The following ROBO2 variants were observed in gnomAD, a reference collection of about 807,000 sequenced individuals.
ROBO2 encodes the protein roundabout homolog 2.
ROBO2 carries 53 observed loss-of-function variants against 160.8 expected under a neutral mutation model. The observed-to-expected ratio is 0.33, with a 90% CI of 0.26 to 0.41. The LOEUF is 0.41. ROBO2 is among the 10% of genes least tolerant of loss of function. The pLI, the probability that ROBO2 is intolerant of heterozygous loss-of-function variation, is 1.00. For synonymous variants in ROBO2, 664 were observed against 611.7 expected, an observed-to-expected ratio of 1.09 and a Z score of -1.26; for missense variants, 1,577 against 1,722.4, an observed-to-expected ratio of 0.92 and a Z score of 1.49.
intron 2 of ROBO2, among the ~76,000 whole-genome samples, chr3:76,514,529 A>G (rs1398620649): frequency 6.6e-6 from 1 of 152,220 alleles, no homozygotes; most frequent in Non-Finnish European, 1.5e-5. Flanking sequence ...TAAAAATAAT[A>G]ATAATGAAGA....
At chr3:77,031,969 A>G (rs2063353070) in intron 2 of ROBO2, among the ~76,000 whole-genome samples, 1 of 152,060 alleles carries the variant, frequency 6.6e-6, no homozygotes, top group Non-Finnish European at 1.5e-5. Context: ...CTGTTTCATG[A>G]GTGGTACCTT....
intron 2 of ROBO2, among the ~76,000 whole-genome samples, chr3:76,842,058 A>G (rs972163719): frequency 6.6e-6 from 1 of 152,234 alleles, no homozygotes; most frequent in Admixed American, 6.5e-5. Context: ...ATTCCACTAG[A>G]AATCCATAAA....
At chr3:75,961,526 T>A (rs1464963170) in intron 2 of ROBO2, among the ~76,000 whole-genome samples, 1 of 151,714 alleles carries the variant, frequency 6.6e-6, no homozygotes, top group Non-Finnish European at 1.5e-5. Flanking sequence ...AAGTAATAAA[T>A]AGCTCACTCA....
At chr3:76,912,320 A>G (rs1412433593) in intron 2 of ROBO2, among the ~76,000 whole-genome samples, 1 of 152,182 alleles carries the variant, frequency 6.6e-6, no homozygotes, top group Non-Finnish European at 1.5e-5. Flanking sequence ...ATATTCAGAA[A>G]TAAGATACAG....
At chr3:76,630,130 T>C (rs190191895) in intron 2 of ROBO2, among the ~76,000 whole-genome samples, 2 of 152,342 alleles carry the variant, frequency 1.3e-5, no homozygotes, top group East Asian at 1.9e-4. Flanking sequence ...AGAGAAAACA[T>C]TGATTACTGG....
At chr3:76,132,038 T>G (rs567741794) in intron 2 of ROBO2, among the ~76,000 whole-genome samples, 37 of 152,200 alleles carry the variant, frequency 2.4e-4, no homozygotes, top group African/African-American at 8.9e-4. Context: ...GTGTGGAGGA[T>G]CCCCAAGATG....
At chr3:76,067,931 G>A (rs940377447) in intron 2 of ROBO2, among the ~76,000 whole-genome samples, 3 of 152,134 alleles carry the variant, frequency 2.0e-5, no homozygotes, top group African/African-American at 2.4e-5. Context: ...AGTGAACAAC[G>A]GGCGAAAATT....
At chr3:76,610,612 C>T (rs567992125) in intron 2 of ROBO2, among the ~76,000 whole-genome samples, 5 of 152,340 alleles carry the variant, frequency 3.3e-5, no homozygotes, top group African/African-American at 1.2e-4. Context: ...GAGCATGTCA[C>T]AGCTCTCCTT....
At chr3:77,649,668 T>C (rs565242320) in exon 26 of ROBO2, 1 of 152,318 alleles carries the variant, frequency 6.6e-6, no homozygotes, top group East Asian at 1.9e-4. Context: ...AAAAAAGATG[T>C]TCAATTTACT....
intron 2 of ROBO2, among the ~76,000 whole-genome samples, chr3:76,419,438 A>T (rs1258972881): frequency 6.7e-6 from 1 of 148,224 alleles, no homozygotes; most frequent in Non-Finnish European, 1.5e-5. Flanking sequence ...GGTTACAAAC[A>T]TCTTTTTTTT....
intron 2 of ROBO2, among the ~76,000 whole-genome samples, chr3:77,123,746 A>AG (rs34264797): frequency 1.3e-5 from 2 of 148,702 alleles, no homozygotes; most frequent in African/African-American, 2.5e-5. Flanking sequence ...CTAGATATAT[A>AG]ATCTATATAG....
intron 2 of ROBO2, among the ~76,000 whole-genome samples, chr3:76,630,063 ATTC>A (rs2089930177): frequency 6.6e-6 from 1 of 152,302 alleles, no homozygotes; most frequent in Non-Finnish European, 1.5e-5. Context: ...TTTGGTTTGC[ATTC>A]TTCTTCTAGT....
intron 2 of ROBO2, among the ~76,000 whole-genome samples, chr3:76,988,475 A>T (rs12630195): frequency 1.3e-5 from 2 of 152,160 alleles, no homozygotes; most frequent in South Asian, 2.1e-4. Context: ...TCAGAAATCT[A>T]GAAGAGAGTG....
chr3:77,447,447 T>G (rs2080655884), intron 2 of ROBO2, among the ~76,000 whole-genome samples: 1 of 152,146 alleles, frequency 6.6e-6, no homozygotes, highest in South Asian at 2.1e-4. Flanking sequence ...AAATAGACTG[T>G]TAAAAATTTA....
At chr3:76,480,695 G>A (rs571951114) in intron 2 of ROBO2, among the ~76,000 whole-genome samples, 2 of 152,164 alleles carry the variant, frequency 1.3e-5, no homozygotes, top group African/African-American at 4.8e-5. Context: ...CTTTTATAAA[G>A]GCATGCATCC....
chr3:76,940,380 A>G (rs1559736679), intron 2 of ROBO2, among the ~76,000 whole-genome samples: 1 of 152,184 alleles, frequency 6.6e-6, no homozygotes, highest in Non-Finnish European at 1.5e-5. Flanking sequence ...TATCATGCAA[A>G]TCTCATTGTT....
chr3:76,562,591 A>G (rs1470231400), intron 2 of ROBO2, among the ~76,000 whole-genome samples: 1 of 152,092 alleles, frequency 6.6e-6, no homozygotes, highest in Non-Finnish European at 1.5e-5. Context: ...TACTCTTACA[A>G]AACAACCAAT....
chr3:77,541,433 G>A (rs1182090643), intron 6 of ROBO2, among the ~76,000 whole-genome samples: 2 of 152,134 alleles, frequency 1.3e-5, no homozygotes. Flanking sequence ...AAGCCAGCTT[G>A]GGCTGAATGC....
chr3:76,338,236 C>T (rs913862100), intron 2 of ROBO2, among the ~76,000 whole-genome samples: 2 of 152,098 alleles, frequency 1.3e-5, no homozygotes, highest in South Asian at 2.1e-4. Flanking sequence ...GTCTCTTTCC[C>T]CTTCTCACAT....
Sources: gnomAD v4.1 joint callset for allele counts (sites outside exome capture counted in the v4.1 genomes callset) on GRCh38, gnomAD v4.1.1 for gene constraint, MANE v1.5 for transcripts, NCBI Gene and HGNC (gene_info 2026-07-23, HGNC 2026-07-21) for gene names.